INAVA: variants seen among roughly 807,000 people sequenced by gnomAD.
The protein encoded by INAVA is innate immunity activator, also known as innate immunity activator protein.
A neutral mutation model predicts 55.3 loss-of-function variants in INAVA; 32 were observed. That is an observed-to-expected ratio of 0.58 (90% CI 0.44 to 0.78). The LOEUF is 0.78. INAVA is among the 30% of genes least tolerant of loss of function. The pLI is 0.00. For missense variants in INAVA, 756 were observed against 786.4 expected (o/e 0.96, Z 0.46); for synonymous variants, 294 against 329.4 (o/e 0.89, Z 1.16).
At chr1:200,896,034 T>C (rs533180784) in intron 1 of INAVA, among the ~76,000 whole-genome samples, 49 of 152,154 alleles carry the variant, frequency 3.2e-4, no homozygotes, top group African/African-American at 1.2e-3. Context: ...AGTCAGAGAC[T>C]GGGCTGAGCT....
At chr1:200,901,584 A>G (rs2102306042) in intron 5 of INAVA, among the ~76,000 whole-genome samples, 1 of 152,348 alleles carries the variant, frequency 6.6e-6, no homozygotes, top group East Asian at 1.9e-4. Context: ...GTTGATGTGT[A>G]GTCCCCTGGC....
At chr1:200,910,803 A>G (rs1252238605) in intron 8 of INAVA, among the ~76,000 whole-genome samples, 1 of 152,222 alleles carries the variant, frequency 6.6e-6, no homozygotes, top group East Asian at 1.9e-4. Context: ...CTTTGTGCAA[A>G]TTAGGAAAAG....
Position 200,913,567 on chromosome 1 carries a change from C to A in INAVA, c.1675C>A (p.Pro559Thr). The change falls in exon 10 of 10, where the codon CCT (proline) becomes ACT (threonine). Residue 559 changes from proline to threonine, a missense_variant. Pro to Thr is a conservative substitution (Grantham distance 38). This residue lies in a region of INAVA where 117 missense variants were observed against 162.1 expected (regional missense o/e 0.72). Coordinates refer to ENST00000413687, the MANE Select transcript of INAVA (RefSeq NM_001142569.3). ...CACAGTTTGTGTGCTGCGGAGATCG[C>A]CTGATGGGGCCCCTGTGCAAGTCTT... ...VPTVCVLRRS[P>T]DGAPVQVFVP... The A allele has an allele frequency of 6.2e-7, 1 of 1,614,074 alleles. No individual in the cohort carries two copies. Among genetic ancestry groups the A allele is most frequent in the Non-Finnish European group, 8.5e-7 (1 of 1,180,008 alleles).
intron 5 of INAVA, chr1:200,906,614 A>G (rs1364922126): frequency 6.6e-6 from 1 of 152,144 alleles, no homozygotes; most frequent in Non-Finnish European, 1.5e-5. Flanking sequence ...AAGTGCTGCT[A>G]TACCATGAAG....
rs1558229160 is a variant in INAVA at position 200,900,545 on chromosome 1, T to A, written c.297+325T>A. ...CAGGTTACTCTGGCCCCTAGGGCTG[T>A]CCTCCTTTCTCAGGAGGAGGTGGGG... On this transcript the variant is annotated intron_variant, in intron 4 of 9. Coordinates refer to ENST00000413687, the MANE Select transcript of INAVA (RefSeq NM_001142569.3). Among the ~76,000 whole-genome samples, 4 of 152,186 alleles carry A rather than the reference T, an allele frequency of 2.6e-5. No homozygotes were observed. The South Asian group carries it at 8.3e-4, about 31-fold the overall frequency.
At chr1:200,895,202 T>C (rs1668318716) in intron 1 of INAVA, 115 bp downstream of exon 1, 1 of 839,774 alleles carries the variant, frequency 1.2e-6, no homozygotes, top group African/African-American at 1.8e-5. Flanking sequence ...CGCCAGCCTA[T>C]GTCTGGTGTG....
chr1:200,907,181 A>G (rs1653527707), intron 5 of INAVA, among the ~76,000 whole-genome samples: 1 of 151,670 alleles, frequency 6.6e-6, no homozygotes. Context: ...TTTCCTTTCC[A>G]CTACCAAGAA....
intron 9 of INAVA, among the ~76,000 whole-genome samples, chr1:200,912,742 T>G (rs1415615230): frequency 1.3e-5 from 2 of 152,152 alleles, no homozygotes; most frequent in African/African-American, 2.4e-5. Context: ...TTTCCTCCCC[T>G]GTGAAATGAG....
At chr1:200,899,843 C>T (rs1447039367) in intron 3 of INAVA, among the ~76,000 whole-genome samples, 3 of 152,194 alleles carry the variant, frequency 2.0e-5, no homozygotes, top group African/African-American at 7.2e-5. Flanking sequence ...AGAGGGACTG[C>T]ACAGACATAA....
intron 5 of INAVA, among the ~76,000 whole-genome samples, chr1:200,903,529 G>T (rs1254687587): frequency 2.0e-5 from 3 of 151,870 alleles, no homozygotes; most frequent in Admixed American, 2.0e-4. Context: ...AGGAGGCCAG[G>T]TGCAGTGGCT....
intron 8 of INAVA, 74 bp downstream of exon 8, chr1:200,909,471 C>T: frequency 7.5e-7 from 1 of 1,328,032 alleles, no homozygotes; most frequent in Non-Finnish European, 9.9e-7. Context: ...GCTCCCAGGA[C>T]ACAGGTGGGA....
At chr1:200,906,090 TA>T (rs1395812253) in intron 5 of INAVA, 1 of 152,264 alleles carries the variant, frequency 6.6e-6, no homozygotes, top group Non-Finnish European at 1.5e-5. Flanking sequence ...TTAATATATA[TA>T]AAGTGCTGTA....
At chr1:200,895,132 G>C in intron 1 of INAVA, 45 bp downstream of exon 1, 1 of 986,234 alleles carries the variant, frequency 1.0e-6, no homozygotes, top group South Asian at 4.7e-5. Context: ...CTGAGAGCAG[G>C]CTGGCCTGGG....
chr1:200,911,805 G>C lies in INAVA; in HGVS notation c.1312G>C (p.Val438Leu), dbSNP rs754482703. Reference sequence around the variant, plus strand: ...TGGCTATTTCCCGGCGGGGCGGTACGTGGTGGTGGCTGAGAGCCCCCTGCC... The same window carrying C: ...TGGCTATTTCCCGGCGGGGCGGTACCTGGTGGTGGCTGAGAGCCCCCTGCC... Reference protein sequence around the residue: ...PPGYFPAGRYVVVAESPLPPG... With the variant: ...PPGYFPAGRYLVVAESPLPPG... Residue 438 changes from valine (V) to leucine (L), a missense_variant, in exon 9 of 10, where the codon GTG (valine) becomes CTG (leucine). Transcript: ENST00000413687. The C allele has an allele frequency of 1.7e-5, 27 of 1,607,956 alleles. No individual in the cohort carries two copies. The highest frequency in any genetic ancestry group is 3.7e-4 in the Middle Eastern group (2 of 5,422).
upstream of INAVA, chr1:200,891,728 A>T: frequency 7.0e-7 from 1 of 1,431,836 alleles, no homozygotes. Context: ...CGGGGCACCC[A>T]GTGCGGGTGA....
At position 200,911,821 on chromosome 1, in the gene INAVA, G is replaced by A; in HGVS notation, c.1328G>A (p.Ser443Asn). 6.2e-7 allele frequency: 1 copy of A among 1,604,030 alleles called. No homozygotes were observed. Among genetic ancestry groups the A allele is most frequent in the South Asian group, 1.1e-5 (1 of 90,576 alleles). ...GGGCGGTACGTGGTGGTGGCTGAGA[G>A]CCCCCTGCCGCCTGGCGAGTGGGAG... ...PAGRYVVVAE[S>N]PLPPGEWELR... Residue 443 changes from serine to asparagine, a missense_variant, in exon 9 of 10, where the codon AGC becomes AAC. Coordinates refer to ENST00000413687, the MANE Select transcript of INAVA (RefSeq NM_001142569.3).
At chr1:200,908,002 G>A (rs1571869571) in intron 6 of INAVA, 115 bp downstream of exon 6, 1 of 781,518 alleles carries the variant, frequency 1.3e-6, no homozygotes, top group East Asian at 2.5e-5. Context: ...AGGGTGCCAG[G>A]CTTAGGGTTT....
chr1:200,904,661 G>A (rs943887828), intron 5 of INAVA, among the ~76,000 whole-genome samples: 5 of 152,104 alleles, frequency 3.3e-5, no homozygotes, highest in Admixed American at 6.5e-5. Flanking sequence ...GCAGGGGAAC[G>A]CTGAGCTAGG....
At chr1:200,894,325 C>A (rs1433395787), upstream of INAVA, among the ~76,000 whole-genome samples, 1 of 152,062 alleles carries the variant, frequency 6.6e-6, no homozygotes, top group African/African-American at 2.4e-5. Context: ...CCTTGGGGGA[C>A]AATGTCTGGG....
Sources: gnomAD v4.1 joint callset for allele counts (sites outside exome capture counted in the v4.1 genomes callset) on GRCh38, gnomAD v4.1.1 for gene constraint, gnomAD v4.1.1 regional missense constraint, MANE v1.5 for transcripts, NCBI Gene and HGNC (gene_info 2026-07-23, HGNC 2026-07-21) for gene names.